Variants in BMP5 observed in about 807,000 individuals in gnomAD.
The protein encoded by BMP5 is bone morphogenetic protein 5.
Under a neutral mutation model 46.6 loss-of-function variants are expected in BMP5, and 23 were observed. The ratio of observed to expected loss-of-function variants is 0.49; its 90% CI spans 0.35 to 0.70. BMP5 has a LOEUF of 0.70. Ranked by LOEUF, BMP5 falls within the 30% of genes least tolerant of loss-of-function variation. BMP5 has a pLI of 0.00. For missense variants in BMP5, 545 were observed against 565.6 expected (o/e 0.96, Z 0.37); for synonymous variants, 204 against 191.9 (o/e 1.06, Z -0.52).
At chr6:55,801,977 C>T (rs756267229) in intron 2 of BMP5, among the ~76,000 whole-genome samples, 33 of 152,296 alleles carry the variant, frequency 2.2e-4, no homozygotes, top group South Asian at 6.2e-4. Flanking sequence ...CAATATTTTA[C>T]AAGAATGAAC....
At chr6:55,869,940 A>T (rs2127556300) in intron 1 of BMP5, among the ~76,000 whole-genome samples, 1 of 152,246 alleles carries the variant, frequency 6.6e-6, no homozygotes, top group East Asian at 1.9e-4. Context: ...CCAGGACGAA[A>T]GGCAGACCCC....
intron 3 of BMP5, among the ~76,000 whole-genome samples, chr6:55,785,503 A>T (rs116304469): frequency 1.9e-3 from 286 of 151,942 alleles, no homozygotes; most frequent in African/African-American, 6.5e-3. Flanking sequence ...GCTTTAAGAC[A>T]TTACGCGAGT....
intron 2 of BMP5, among the ~76,000 whole-genome samples, chr6:55,806,567 CA>C (rs2127533495): frequency 6.6e-6 from 1 of 152,220 alleles, no homozygotes; most frequent in East Asian, 1.9e-4. Context: ...TTTTTGATTC[CA>C]TATGAAATTT....
intron 2 of BMP5, among the ~76,000 whole-genome samples, chr6:55,811,217 G>T (rs553432742): frequency 3.9e-5 from 6 of 152,256 alleles, no homozygotes; most frequent in South Asian, 2.1e-4. Flanking sequence ...AGGGGGAGAT[G>T]ATGTAAATAT....
intron 2 of BMP5, among the ~76,000 whole-genome samples, chr6:55,798,044 A>G (rs1214309253): frequency 6.6e-6 from 1 of 152,150 alleles, no homozygotes; most frequent in Non-Finnish European, 1.5e-5. Flanking sequence ...GGAGGAAAAG[A>G]TCTGTTCCAG....
At position 55,794,317 on chromosome 6, in the gene BMP5, T is replaced by C. The variant is rs777330581; in HGVS notation, c.794A>G (p.Asn265Ser). Residue 265 changes from asparagine to serine, a missense_variant, in exon 3 of 7, where the codon AAT becomes AGT. Asn to Ser is a conservative substitution (Grantham distance 46). Transcript: ENST00000370830. ...TSNHWVINPQNNLGLQLCAET... is the reference protein window; with the variant it reads ...TSNHWVINPQSNLGLQLCAET... ...TGCACAGAGCTGTAAGCCCAAATTA[T>C]TCTGGGGATTAATCACCCAATGATT... is the stretch of plus-strand genomic sequence containing the variant. 6.2e-7 allele frequency: 1 copy of C among 1,614,056 alleles called. No individual in the cohort carries two copies. Among genetic ancestry groups the C allele is most frequent in the Non-Finnish European group, 8.5e-7 (1 of 1,179,926 alleles).
At chr6:55,777,998 A>C in intron 3 of BMP5, among the ~76,000 whole-genome samples, 1 of 151,992 alleles carries the variant, frequency 6.6e-6, no homozygotes, top group East Asian at 1.9e-4. Flanking sequence ...GATCTCCGAA[A>C]TTATCTTCTG....
At chr6:55,868,343 C>A (rs1777699281) in intron 1 of BMP5, among the ~76,000 whole-genome samples, 1 of 152,116 alleles carries the variant, frequency 6.6e-6, no homozygotes, top group African/African-American at 2.4e-5. Context: ...CAAGGATCTT[C>A]ATTGTCTTAG....
intron 2 of BMP5, among the ~76,000 whole-genome samples, chr6:55,813,348 C>T (rs902250401): frequency 3.3e-5 from 5 of 151,794 alleles, no homozygotes; most frequent in South Asian, 4.1e-4. Context: ...TACCCACAGC[C>T]TGCAATGAAT....
rs1172320071 is a variant in BMP5, at chr6:55,781,607, A to AT, written c.833-7365dup. ...TTTACCAGCTACTATATTATTCCAA[A>AT]TTTTTTTTTTTTTTTTTTGAGATGG... is the stretch of plus-strand genomic sequence containing the variant. On this transcript the variant is annotated intron_variant, in intron 3 of 6. Transcript: ENST00000370830. Among the ~76,000 whole-genome samples the AT allele has an allele frequency of 7.9e-3, 1,104 of 140,234 alleles. 8 individuals carry two copies. The highest frequency in any genetic ancestry group is 0.015 in the Middle Eastern group (4 of 272). The allele number at this position is 140,234 out of a possible 152,430, so 92.0% of individuals were successfully genotyped here.
At chr6:55,866,243 T>A (rs976635485) in intron 1 of BMP5, among the ~76,000 whole-genome samples, 1 of 152,138 alleles carries the variant, frequency 6.6e-6, no homozygotes, top group Admixed American at 6.6e-5. Flanking sequence ...TCTCTGTGAT[T>A]GAAGGGCAGG....
intron 1 of BMP5, among the ~76,000 whole-genome samples, chr6:55,859,698 G>T (rs999766971): frequency 4.6e-5 from 7 of 152,142 alleles, no homozygotes; most frequent in African/African-American, 1.4e-4. Context: ...TGACATAAAA[G>T]TGACTACAAT....
rs1562083311 is a variant in BMP5, at chr6:55,874,906, G to C, written c.-41C>G. On this transcript the variant is annotated 5_prime_UTR_variant, in exon 1 of 7. Coordinates refer to ENST00000370830, the MANE Select transcript of BMP5 (RefSeq NM_021073.4). ...AAAGTTGATATTTTTAGTCCTTCTT[G>C]TCCTCTTAAAAAAAAAAAAAACCTA... 6.3e-7 allele frequency: 1 copy of C among 1,576,470 alleles called. No homozygotes were observed. The highest frequency in any genetic ancestry group is 1.9e-5 in the Admixed American group (1 of 52,732).
intron 2 of BMP5, among the ~76,000 whole-genome samples, chr6:55,810,874 C>G (rs1776116642): frequency 6.6e-6 from 1 of 152,162 alleles, no homozygotes. Flanking sequence ...TATCTACGCA[C>G]TAAATGCTAG....
At chr6:55,803,009 G>A (rs1380178182) in intron 2 of BMP5, among the ~76,000 whole-genome samples, 3 of 151,872 alleles carry the variant, frequency 2.0e-5, no homozygotes, top group East Asian at 1.9e-4. Context: ...GAATGGTGCC[G>A]GGTGCGGTGG....
Position 55,760,444 on chromosome 6 carries a change from T to C in BMP5, c.1104+13A>G, listed in dbSNP as rs112152250. 1 of 1,612,196 alleles carries C rather than the reference T, an allele frequency of 6.2e-7. No individual in the cohort carries two copies. The highest frequency in any genetic ancestry group is 2.2e-5 in the East Asian group (1 of 44,802). On this transcript the variant is annotated intron_variant, in intron 5 of 6. Transcript: ENST00000370830. Reference sequence around the variant, plus strand: ...TCAGAAAAGAAGCACCAAAGTTGACTGAAAATTCCTACCTGCCATCCCAGA... The same window carrying C: ...TCAGAAAAGAAGCACCAAAGTTGACCGAAAATTCCTACCTGCCATCCCAGA...
Position 55,786,145 on chromosome 6 carries a change from A to G in BMP5, c.832+8134T>C, listed in dbSNP as rs570265686. Among the ~76,000 whole-genome samples the G allele has an allele frequency of 5.3e-5, 8 of 151,772 alleles. No individual in the cohort carries two copies. The East Asian group carries it at 1.5e-3, about 29-fold the overall frequency. The stretch of plus-strand genomic sequence containing the variant: ...GTTTCTCCATCACTATTTTTATACC[A>G]TATCTTAAGTTGGGGTTTGAATGTA... On this transcript the variant is annotated intron_variant, in intron 3 of 6. Coordinates refer to ENST00000370830, the MANE Select transcript of BMP5 (RefSeq NM_021073.4).
chr6:55,874,498 T>C lies in BMP5; in HGVS notation c.368A>G (p.Tyr123Cys), dbSNP rs773656870. ...RKGYPASPNG[Y>C]PRRIQLSRTT... ...CCGAGATAACTGTATGCGACGAGGA[T>C]ACCCATTGGGAGAGGCTGGGTATCC... The change falls in exon 1 of 7, where the codon TAT becomes TGT. Residue 123 changes from tyrosine (Y) to cysteine (C), a missense_variant. Coordinates refer to ENST00000370830, the MANE Select transcript of BMP5 (RefSeq NM_021073.4). 6.8e-6 allele frequency: 11 copies of C among 1,613,374 alleles called. No homozygotes were observed. In the Admixed American group the frequency reaches 1.0e-4, roughly 15 times the overall value.
intron 1 of BMP5, among the ~76,000 whole-genome samples, chr6:55,837,144 T>G (rs1482963305): frequency 6.6e-6 from 1 of 151,966 alleles, no homozygotes; most frequent in African/African-American, 2.4e-5. Context: ...CTCTGCCTCC[T>G]GGGCTCAAGC....
Sources: gnomAD v4.1 joint callset for allele counts (sites outside exome capture counted in the v4.1 genomes callset) on GRCh38, gnomAD v4.1.1 for gene constraint, MANE v1.5 for transcripts, NCBI Gene and HGNC (gene_info 2026-07-23, HGNC 2026-07-21) for gene names.